The following EHMT1 variants were observed in gnomAD, a reference collection of about 807,000 sequenced individuals.
EHMT1 encodes the protein euchromatic histone lysine methyltransferase 1, also known as histone-lysine N-methyltransferase EHMT1.
EHMT1 carries 15 observed loss-of-function variants against 147.2 expected under a neutral mutation model. The ratio of observed to expected loss-of-function variants is 0.10; its 90% confidence interval spans 0.07 to 0.16. The LOEUF (loss-of-function observed/expected upper bound fraction) is 0.16. Ranked by LOEUF, EHMT1 falls within the 10% of genes least tolerant of loss-of-function variation. The probability of loss-of-function intolerance (pLI) is 1.00; values close to 1 mark genes in which losing one functional copy is unlikely to be tolerated. For missense variants in EHMT1, 1,587 were observed against 1,772.4 expected (o/e 0.90, Z 1.88); for synonymous variants, 795 against 709.6 (o/e 1.12, Z -1.91).
intron 25 of EHMT1, chr9:137,820,242 A>C (rs558011591): frequency 5.3e-5 from 8 of 152,370 alleles, no homozygotes; most frequent in Non-Finnish European, 8.8e-5. Flanking sequence ...GTGTACAGGC[A>C]TCTCCCTGTG....
intron 3 of EHMT1, among the ~76,000 whole-genome samples, chr9:137,724,900 TG>T: frequency 9.2e-6 from 1 of 108,354 alleles, no homozygotes; most frequent in Non-Finnish European, 2.2e-5. Flanking sequence ...GGGACAGATG[TG>T]GCATTCGTTG....
chr9:137,805,301 T>A (rs1953854647), intron 18 of EHMT1, among the ~76,000 whole-genome samples: 1 of 152,180 alleles, frequency 6.6e-6, no homozygotes, highest in Non-Finnish European at 1.5e-5. Context: ...GTCATCTGCA[T>A]GTCTGTGAGT....
chr9:137,679,008 C>T (rs1054543755), intron 1 of EHMT1, among the ~76,000 whole-genome samples: 2 of 152,238 alleles, frequency 1.3e-5, no homozygotes, highest in South Asian at 2.1e-4. Flanking sequence ...GGCTGGAGTG[C>T]AATGGCGCGA....
At chr9:137,635,926 T>A (rs539116610) in intron 1 of EHMT1, among the ~76,000 whole-genome samples, 331 of 148,414 alleles carry the variant, frequency 2.2e-3, no homozygotes, top group African/African-American at 5.2e-3. Flanking sequence ...TTAAAAAAAA[T>A]TTTTTTTTTT....
chr9:137,649,316 C>T (rs868561641), intron 1 of EHMT1, among the ~76,000 whole-genome samples: 2 of 152,014 alleles, frequency 1.3e-5, no homozygotes, highest in Non-Finnish European at 1.5e-5. Context: ...AAAAATTAGT[C>T]GGATGTGGTG....
At chr9:137,833,342 C>T (rs1037653754) in intron 25 of EHMT1, among the ~76,000 whole-genome samples, 7 of 152,238 alleles carry the variant, frequency 4.6e-5, no homozygotes, top group Non-Finnish European at 8.8e-5. Context: ...GCCACCCACC[C>T]GCAGCTCGCC....
Position 137,635,643 on chromosome 9 carries a change from A to T in EHMT1, c.21+16594A>T, listed in dbSNP as rs1403467610. Among the ~76,000 whole-genome samples the T allele has an allele frequency of 2.0e-5, 3 of 149,814 alleles. No homozygotes were observed. In the East Asian group the frequency reaches 6.3e-4, roughly 32 times the overall value. ...AGACCATCCTGGCTAACATGGTGAAACCCCGTCTCTACTAAAAATACAAAA... is the reference window on the plus strand; with the variant it reads ...AGACCATCCTGGCTAACATGGTGAATCCCCGTCTCTACTAAAAATACAAAA... On this transcript the variant is annotated intron_variant, in intron 1 of 26. Transcript: ENST00000460843.
At chr9:137,633,898 C>T (rs897761402) in intron 1 of EHMT1, among the ~76,000 whole-genome samples, 3 of 151,454 alleles carry the variant, frequency 2.0e-5, no homozygotes, top group Admixed American at 6.6e-5. Context: ...ACTGCAACCT[C>T]CGCCTCCCGG....
intron 24 of EHMT1, chr9:137,817,726 C>A: frequency 1.5e-6 from 1 of 686,290 alleles, no homozygotes; most frequent in Non-Finnish European, 2.5e-6. Flanking sequence ...GTAACCAGCC[C>A]AGGAGTGCAT....
rs1364680088 is a variant in EHMT1 at position 137,803,053 on chromosome 9, G to C, written c.2712+2069G>C. On this transcript the variant is annotated intron_variant, in intron 18 of 26. Transcript: ENST00000460843. ...ACCGCCCCCGGAGACTGCGTGGCGG[G>C]GAAGGCGGCCCTAGTGTGGCTGGTC... 4.1e-6 allele frequency: 5 copies of C among 1,230,604 alleles called. No individual in the cohort carries two copies. In the African/African-American group the frequency reaches 6.2e-5, roughly 15 times the overall value. 76.2% of individuals were successfully genotyped at this position (1,230,604 alleles called of 1,614,324 possible). A position where few individuals can be genotyped will look rare whatever the true frequency, so the allele number is the denominator to read the frequency against.
intron 1 of EHMT1, among the ~76,000 whole-genome samples, chr9:137,669,435 CG>C (rs60732108): frequency 0.04 from 66 of 1,638 alleles, no homozygotes; most frequent in East Asian, 0.13. Context: ...CCCAAGACGC[CG>C]CCCACAGCAC....
At chr9:137,778,086 C>T (rs371890129) in intron 13 of EHMT1, 31 bp downstream of exon 13, 26 of 1,613,416 alleles carry the variant, frequency 1.6e-5, no homozygotes, top group African/African-American at 4.0e-5. Context: ...TCAGAGATGT[C>T]TCAGAGCCTG....
chr9:137,741,778 C>T (rs990277562), intron 4 of EHMT1, among the ~76,000 whole-genome samples: 1 of 152,142 alleles, frequency 6.6e-6, no homozygotes, highest in Non-Finnish European at 1.5e-5. Flanking sequence ...ATTGTATTTT[C>T]AACCTGTTTG....
chr9:137,703,374 A>G (rs1943997566), intron 1 of EHMT1, among the ~76,000 whole-genome samples: 1 of 152,226 alleles, frequency 6.6e-6, no homozygotes, highest in Non-Finnish European at 1.5e-5. Flanking sequence ...CAAAATTTCC[A>G]AACTTTTATG....
chr9:137,666,673 C>T (rs1263977241), intron 1 of EHMT1, among the ~76,000 whole-genome samples: 1 of 152,184 alleles, frequency 6.6e-6, no homozygotes, highest in Admixed American at 6.5e-5. Context: ...ACAGAGCCTC[C>T]CCCTCGGAGC....
At chr9:137,742,044 C>T (rs1686739627) in intron 4 of EHMT1, among the ~76,000 whole-genome samples, 1 of 152,206 alleles carries the variant, frequency 6.6e-6, no homozygotes, top group South Asian at 2.1e-4. Context: ...ATAGTGTGGA[C>T]AGACAGAGCC....
chr9:137,629,418 G>T (rs902321504), intron 1 of EHMT1, among the ~76,000 whole-genome samples: 12 of 148,568 alleles, frequency 8.1e-5, no homozygotes, highest in Non-Finnish European at 1.5e-4. Context: ...TTGTTAAATG[G>T]AGTCTCGCTC....
intron 16 of EHMT1, among the ~76,000 whole-genome samples, chr9:137,797,888 G>T (rs1286987757): frequency 6.6e-6 from 1 of 152,232 alleles, no homozygotes; most frequent in African/African-American, 2.4e-5. Context: ...CCTGTGTGAG[G>T]AGCACAGGCA....
At position 137,813,019 on chromosome 9, in the gene EHMT1, C is replaced by T; in HGVS notation, c.2881C>T (p.Arg961Trp). Residue 961 changes from arginine to tryptophan, a missense_variant, in exon 20 of 27, where the codon CGG becomes TGG. Arg to Trp is a moderately radical substitution (Grantham distance 101). Transcript: ENST00000460843. The surrounding 1 kb of genome is among the most constrained non-coding windows in gnomAD (Gnocchi z 4.9). ...TTTCCCTTTTAGCCTCTTTCTTTCT[C>T]GGGATTCAGATGTCACCTTAAAGAA... ...RYDCVVLFLS[R>W]DSDVTLKNKE... 3 of 1,613,976 alleles carry T rather than the reference C, an allele frequency of 1.9e-6. No homozygotes were observed. Among genetic ancestry groups the T allele is most frequent in the Non-Finnish European group, 2.5e-6 (3 of 1,180,024 alleles).
Sources: allele counts gnomAD v4.1 joint callset (sites outside exome capture counted in the v4.1 genomes callset), GRCh38; gene constraint gnomAD v4.1.1; non-coding constraint Gnocchi (gnomAD v3.1); transcripts MANE v1.5; gene names NCBI Gene and HGNC (gene_info 2026-07-23, HGNC 2026-07-21).